GRM1: variants seen among roughly 807,000 people sequenced by gnomAD.
GRM1 encodes glutamate metabotropic receptor 1.
Under a neutral mutation model 90.9 loss-of-function variants are expected in GRM1, and 33 were observed. The ratio of observed to expected loss-of-function variants is 0.36; its 90% CI spans 0.28 to 0.49. The LOEUF (loss-of-function observed/expected upper bound fraction) is 0.49. GRM1 is among the 20% of genes least tolerant of loss of function. The probability of loss-of-function intolerance (pLI) is 0.99; values close to 1 mark genes in which losing one functional copy is unlikely to be tolerated. For synonymous variants in GRM1, 700 were observed against 613.2 expected (o/e 1.14, Z -2.09); for missense variants, 1,190 against 1,534.3 (o/e 0.78, Z 3.75).
intron 1 of GRM1, among the ~76,000 whole-genome samples, chr6:146,155,922 C>T (rs2128889861): frequency 6.6e-6 from 1 of 152,316 alleles, no homozygotes. Flanking sequence ...TACACTTTAA[C>T]AGATTACTCT....
At chr6:146,371,639 G>A (rs1200263930) in intron 5 of GRM1, among the ~76,000 whole-genome samples, 10 of 151,936 alleles carry the variant, frequency 6.6e-5, no homozygotes, top group Admixed American at 4.6e-4. Context: ...CCAGCCTCTG[G>A]TAGCCATTCT....
At chr6:146,051,734 T>C (rs538717076) in intron 1 of GRM1, among the ~76,000 whole-genome samples, 14 of 152,202 alleles carry the variant, frequency 9.2e-5, no homozygotes, top group African/African-American at 3.4e-4. Flanking sequence ...TTCATAATTG[T>C]TAGTGGATTT....
intron 2 of GRM1, among the ~76,000 whole-genome samples, chr6:146,244,890 T>C (rs1245747697): frequency 6.6e-6 from 1 of 152,184 alleles, no homozygotes; most frequent in Non-Finnish European, 1.5e-5. Context: ...CAGCAAACCT[T>C]TGGGTAGTTC....
At chr6:146,285,552 A>G (rs1340698292) in intron 2 of GRM1, among the ~76,000 whole-genome samples, 1 of 152,060 alleles carries the variant, frequency 6.6e-6, no homozygotes, top group African/African-American at 2.4e-5. Context: ...TTTCTTCTCA[A>G]CCTTTCATTA....
At chr6:146,137,094 C>T (rs1776653575) in intron 1 of GRM1, among the ~76,000 whole-genome samples, 1 of 152,206 alleles carries the variant, frequency 6.6e-6, no homozygotes, top group African/African-American at 2.4e-5. Context: ...CTCAGGTAAT[C>T]CACCCGCCTT....
At chr6:146,309,942 T>C (rs1783718219) in intron 3 of GRM1, among the ~76,000 whole-genome samples, 1 of 152,234 alleles carries the variant, frequency 6.6e-6, no homozygotes, top group African/African-American at 2.4e-5. Context: ...ATTCTGTCCT[T>C]ATCAGCCTTT....
At chr6:146,109,440 A>G (rs1239809939) in intron 1 of GRM1, among the ~76,000 whole-genome samples, 2 of 152,204 alleles carry the variant, frequency 1.3e-5, no homozygotes, top group Non-Finnish European at 2.9e-5. Context: ...AGTGCACAGA[A>G]GTCAAGAACT....
At chr6:146,135,204 G>C (rs1776573912) in intron 1 of GRM1, among the ~76,000 whole-genome samples, 1 of 152,134 alleles carries the variant, frequency 6.6e-6, no homozygotes, top group Non-Finnish European at 1.5e-5. Flanking sequence ...AAAGCACAAG[G>C]AGATTAGCTG....
chr6:146,186,590 G>T (rs1362912724), intron 2 of GRM1, among the ~76,000 whole-genome samples: 2 of 151,778 alleles, frequency 1.3e-5, no homozygotes, highest in South Asian at 2.1e-4. Flanking sequence ...CTTACTAAAG[G>T]TTAACAGTTT....
chr6:146,404,329 AAT>A (rs200447295), intron 7 of GRM1, among the ~76,000 whole-genome samples: 1 of 151,586 alleles, frequency 6.6e-6, no homozygotes. Context: ...GTCAAGATAA[AAT>A]ATATATATAT....
chr6:146,028,203 G>A (rs1455668371), upstream of GRM1, among the ~76,000 whole-genome samples: 3 of 151,792 alleles, frequency 2.0e-5, no homozygotes, highest in Non-Finnish European at 2.9e-5. Context: ...AATGAGGGCG[G>A]AGGGGCGGTG....
intron 1 of GRM1, among the ~76,000 whole-genome samples, chr6:146,106,255 C>G (rs1775295167): frequency 6.6e-6 from 1 of 152,082 alleles, no homozygotes; most frequent in Non-Finnish European, 1.5e-5. Context: ...GGCTTAAATC[C>G]TGATATAGAA....
At chr6:146,343,182 G>A (rs950384065) in intron 3 of GRM1, among the ~76,000 whole-genome samples, 2 of 151,956 alleles carry the variant, frequency 1.3e-5, no homozygotes, top group Non-Finnish European at 2.9e-5. Flanking sequence ...GTTCAGTTGG[G>A]ATTAGGGAGA....
At chr6:146,233,553 G>A (rs117779704) in intron 2 of GRM1, among the ~76,000 whole-genome samples, 1,729 of 151,576 alleles carry the variant, frequency 0.011, 74 homozygotes, top group East Asian at 0.079. Context: ...TTTCCTCTTT[G>A]GCTCATGAGT....
At chr6:146,428,751 A>G (rs1778304483) in intron 7 of GRM1, among the ~76,000 whole-genome samples, 1 of 152,222 alleles carries the variant, frequency 6.6e-6, no homozygotes, top group Non-Finnish European at 1.5e-5. Context: ...CTTTGGTAGG[A>G]GAATTTCTTA....
intron 2 of GRM1, among the ~76,000 whole-genome samples, chr6:146,271,874 A>C (rs1254314632): frequency 6.6e-6 from 1 of 152,190 alleles, no homozygotes; most frequent in Non-Finnish European, 1.5e-5. Context: ...ATCAAACATA[A>C]TTTATTATCT....
chr6:146,421,000 A>T (rs144944182), intron 7 of GRM1, among the ~76,000 whole-genome samples: 2 of 152,160 alleles, frequency 1.3e-5, no homozygotes, highest in Admixed American at 6.5e-5. Flanking sequence ...ACAACATCTG[A>T]TATCTTTGAA....
intron 7 of GRM1, among the ~76,000 whole-genome samples, chr6:146,423,207 C>G (rs1364420336): frequency 6.6e-6 from 1 of 152,186 alleles, no homozygotes; most frequent in Non-Finnish European, 1.5e-5. Context: ...TTTACTCTGG[C>G]TTGCTGAATC....
At chr6:146,045,157 G>A (rs1328947547) in intron 1 of GRM1, among the ~76,000 whole-genome samples, 1 of 152,020 alleles carries the variant, frequency 6.6e-6, no homozygotes, top group Non-Finnish European at 1.5e-5. Context: ...TAAGAGAAAT[G>A]TTGTTTGATT....
Sources: gnomAD v4.1 joint callset for allele counts (sites outside exome capture counted in the v4.1 genomes callset) on GRCh38, gnomAD v4.1.1 for gene constraint, MANE v1.5 for transcripts, NCBI Gene and HGNC (gene_info 2026-07-23, HGNC 2026-07-21) for gene names.